DZIP1L: variants seen among roughly 807,000 people sequenced by gnomAD.
DZIP1L encodes the protein cilium assembly protein DZIP1L.
A neutral mutation model predicts 88.7 loss-of-function variants in DZIP1L; 90 were observed. That is an observed-to-expected ratio of 1.02 (90% CI 0.86 to 1.21). The LOEUF (loss-of-function observed/expected upper bound fraction) is 1.21. Ranked by LOEUF, DZIP1L falls within the 50% of genes most tolerant of loss-of-function variation. DZIP1L has a pLI of 0.00. For missense variants in DZIP1L, 932 were observed against 955.8 expected, an observed-to-expected ratio of 0.98 and a Z score of 0.33; for synonymous variants, 363 against 372.1, an observed-to-expected ratio of 0.98 and a Z score of 0.28.
intron 1 of DZIP1L, among the ~76,000 whole-genome samples, chr3:138,110,564 C>T (rs777896167): frequency 1.3e-5 from 2 of 152,040 alleles, no homozygotes; most frequent in Admixed American, 6.6e-5. Flanking sequence ...GCTTCCAGAG[C>T]GCACAGCATA....
At chr3:138,064,560 G>A in intron 15 of DZIP1L, 68 bp downstream of exon 15, 1 of 1,613,546 alleles carries the variant, frequency 6.2e-7, no homozygotes, top group Non-Finnish European at 8.5e-7. Flanking sequence ...CTTCACCCCA[G>A]GCCCCCCAAA....
intron 11 of DZIP1L, among the ~76,000 whole-genome samples, chr3:138,072,337 A>T (rs371532610): frequency 6.2e-4 from 95 of 152,312 alleles, no homozygotes; most frequent in African/African-American, 2.3e-3. Context: ...AGCCCATGGG[A>T]GGGTCCAGGG....
intron 14 of DZIP1L, among the ~76,000 whole-genome samples, chr3:138,066,327 T>C (rs141013968): frequency 1.1e-3 from 173 of 152,366 alleles, no homozygotes; most frequent in Non-Finnish European, 2.2e-3. Context: ...TTTAACTCTA[T>C]GACCACCAAC....
At chr3:138,101,359 G>A in intron 2 of DZIP1L, 2 of 640,354 alleles carry the variant, frequency 3.1e-6, no homozygotes, top group Non-Finnish European at 2.8e-6. Flanking sequence ...TGGGTTGAGG[G>A]CTAGGGCTGA....
intron 7 of DZIP1L, 104 bp from the exon 8 acceptor site, chr3:138,084,357 T>C (rs373824803): frequency 1.2e-5 from 17 of 1,439,030 alleles, no homozygotes; most frequent in Admixed American, 7.7e-5. Flanking sequence ...GCAAGCACAG[T>C]AAAGGATTTT....
chr3:138,073,828 G>A (rs540325115), intron 11 of DZIP1L, among the ~76,000 whole-genome samples: 84 of 152,126 alleles, frequency 5.5e-4, no homozygotes, highest in Middle Eastern at 6.8e-3. Flanking sequence ...TACAAGAGAT[G>A]AAAGGAAAAT....
chr3:138,081,431 G>C (rs926254565), intron 9 of DZIP1L, among the ~76,000 whole-genome samples: 3 of 152,130 alleles, frequency 2.0e-5, no homozygotes, highest in Non-Finnish European at 4.4e-5. Flanking sequence ...TTCGCTGCAG[G>C]CATGGTGAAT....
chr3:138,068,909 G>C, intron 12 of DZIP1L: 1 of 1,253,848 alleles, frequency 8.0e-7, no homozygotes, highest in Non-Finnish European at 1.0e-6. Flanking sequence ...CCACAAGAGC[G>C]GTCCCGGATC....
At chr3:138,073,757 A>T (rs890385527) in intron 11 of DZIP1L, among the ~76,000 whole-genome samples, 3 of 152,300 alleles carry the variant, frequency 2.0e-5, no homozygotes, top group African/African-American at 7.2e-5. Context: ...GTCAATTATT[A>T]AGCTAATCAA....
intron 11 of DZIP1L, among the ~76,000 whole-genome samples, chr3:138,073,784 G>T (rs1943281623): frequency 6.6e-6 from 1 of 152,054 alleles, no homozygotes. Flanking sequence ...ACCAAAGAAA[G>T]GTGAAGCCCA....
intron 8 of DZIP1L, among the ~76,000 whole-genome samples, chr3:138,082,588 C>T (rs972464427): frequency 2.0e-5 from 3 of 152,228 alleles, no homozygotes; most frequent in Non-Finnish European, 2.9e-5. Flanking sequence ...TGCTCCCTGC[C>T]GTGAGCTCTG....
intron 1 of DZIP1L, among the ~76,000 whole-genome samples, chr3:138,106,439 A>G (rs1277476576): frequency 6.6e-6 from 1 of 151,490 alleles, no homozygotes; most frequent in Non-Finnish European, 1.5e-5. Flanking sequence ...CACCCGGCCC[A>G]TGATTCAGAC....
chr3:138,068,404 C>T, intron 12 of DZIP1L, 37 bp from the exon 13 acceptor site: 4 of 1,432,078 alleles, frequency 2.8e-6, no homozygotes, highest in Admixed American at 2.5e-5. Flanking sequence ...TGGAGTACAC[C>T]CATGCTGGAT....
chr3:138,062,764 T>G lies in DZIP1L; in HGVS notation c.*52A>C, dbSNP rs1238838177. The G allele has an allele frequency of 1.2e-6, 2 of 1,602,818 alleles. No homozygotes were observed. The highest frequency in any genetic ancestry group is 2.7e-5 in the African/African-American group (2 of 74,588). ...GCAGCCTCTTCTGTTGAAGTGGACC[T>G]GAGCTGGCCCCAGCCAGGCTAACCC... On this transcript the variant is annotated 3_prime_UTR_variant, in exon 16 of 16. Transcript: ENST00000327532.
intron 2 of DZIP1L, among the ~76,000 whole-genome samples, chr3:138,098,673 C>T (rs1944585935): frequency 6.6e-6 from 1 of 152,180 alleles, no homozygotes; most frequent in Non-Finnish European, 1.5e-5. Context: ...AAGTCTGTGG[C>T]CAATGAGAAT....
At chr3:138,109,342 C>A (rs1000846176) in intron 1 of DZIP1L, among the ~76,000 whole-genome samples, 2 of 152,184 alleles carry the variant, frequency 1.3e-5, no homozygotes, top group Non-Finnish European at 2.9e-5. Flanking sequence ...AAGAAGCTTG[C>A]CCAAGATCCA....
At chr3:138,100,951 G>A (rs2042282695) in intron 2 of DZIP1L, among the ~76,000 whole-genome samples, 1 of 152,048 alleles carries the variant, frequency 6.6e-6, no homozygotes, top group African/African-American at 2.4e-5. Flanking sequence ...TCCAGAATAG[G>A]CCTGGCTCCA....
chr3:138,077,447 T>C, intron 11 of DZIP1L, 52 bp downstream of exon 11: 11 of 1,605,818 alleles, frequency 6.9e-6, no homozygotes, highest in Non-Finnish European at 9.4e-6. Flanking sequence ...TGAGAACACT[T>C]AGTGTCTAAA....
chr3:138,088,319 T>C (rs1944039795), intron 6 of DZIP1L, 60 bp downstream of exon 6: 33 of 1,529,842 alleles, frequency 2.2e-5, no homozygotes, highest in African/African-American at 6.9e-5. Context: ...AGAGAATATA[T>C]TGGAAGAGAA....
Sources: allele counts gnomAD v4.1 joint callset (sites outside exome capture counted in the v4.1 genomes callset), GRCh38; gene constraint gnomAD v4.1.1; transcripts MANE v1.5; gene names NCBI Gene and HGNC (gene_info 2026-07-23, HGNC 2026-07-21).